ARHGAP24: variants seen among roughly 807,000 people sequenced by gnomAD.
ARHGAP24 encodes the protein rho GTPase-activating protein 24.
In ARHGAP24, 50 loss-of-function variants were observed where a neutral mutation model predicts 76.4. The observed-to-expected ratio is 0.65, with a 90% CI of 0.52 to 0.83. ARHGAP24 has a LOEUF of 0.83. Among genes scored for constraint, ARHGAP24 ranks in the 40% least tolerant of loss-of-function variants. The pLI, the probability that ARHGAP24 is intolerant of heterozygous loss-of-function variation, is 0.00. For missense variants in ARHGAP24, 930 were observed against 914.2 expected, an observed-to-expected ratio of 1.02 and a Z score of -0.22; for synonymous variants, 345 against 323.3, an observed-to-expected ratio of 1.07 and a Z score of -0.72.
chr4:85,695,018 T>A (rs10007242), intron 2 of ARHGAP24, among the ~76,000 whole-genome samples: 100,046 of 152,084 alleles, frequency 0.66, 34,755 homozygotes, highest in Non-Finnish European at 0.79. Flanking sequence ...AGGTAAAATG[T>A]TATGCATAAC....
At chr4:85,580,655 C>T (rs1400826592) in intron 2 of ARHGAP24, among the ~76,000 whole-genome samples, 1 of 152,106 alleles carries the variant, frequency 6.6e-6, no homozygotes, top group Non-Finnish European at 1.5e-5. Context: ...AGCCTCAGCA[C>T]GTGACAAACT....
intron 5 of ARHGAP24, among the ~76,000 whole-genome samples, chr4:85,957,578 T>C (rs1737988768): frequency 1.3e-5 from 2 of 152,202 alleles, no homozygotes; most frequent in Non-Finnish European, 2.9e-5. Flanking sequence ...TTGAAGTCAA[T>C]ATCCTGTTTC....
At chr4:85,906,293 C>T (rs1053515580) in intron 3 of ARHGAP24, among the ~76,000 whole-genome samples, 1 of 152,050 alleles carries the variant, frequency 6.6e-6, no homozygotes, top group Admixed American at 6.6e-5. Flanking sequence ...TGAGGACACC[C>T]ATGTCATATG....
chr4:85,974,547 A>AGGAT (rs1739215594), intron 6 of ARHGAP24, among the ~76,000 whole-genome samples: 1 of 152,206 alleles, frequency 6.6e-6, no homozygotes. Context: ...GAAACTGGGA[A>AGGAT]GGATGCTCAC....
chr4:85,741,963 T>A (rs1725842255), intron 3 of ARHGAP24, among the ~76,000 whole-genome samples: 1 of 152,134 alleles, frequency 6.6e-6, no homozygotes, highest in African/African-American at 2.4e-5. Flanking sequence ...TCTTTTCCAA[T>A]GAGAGGATTA....
chr4:85,684,604 T>C (rs1723352091), intron 2 of ARHGAP24, among the ~76,000 whole-genome samples: 1 of 152,194 alleles, frequency 6.6e-6, no homozygotes, highest in Non-Finnish European at 1.5e-5. Context: ...ATAATTTCTT[T>C]TAAAATTTTG....
At chr4:85,623,311 A>G (rs988091197) in intron 2 of ARHGAP24, among the ~76,000 whole-genome samples, 145 of 152,306 alleles carry the variant, frequency 9.5e-4, no homozygotes, top group African/African-American at 3.3e-3. Context: ...AGCTTTCTAC[A>G]TATGGCTAGC....
rs188526435 is a variant in ARHGAP24, at chr4:85,925,522, A to G, written c.391+1752A>G. Among the ~76,000 whole-genome samples the G allele has an allele frequency of 7.9e-5, 12 of 152,352 alleles. No homozygotes were observed. In the East Asian group the frequency reaches 2.1e-3, roughly 27 times the overall value. ...AAAAAAAAAGTTGTATGCTAAGGTT[A>G]CCAAGAGCTACAGTACAATGAAATA... On this transcript the variant is annotated intron_variant, in intron 4 of 9. Coordinates refer to ENST00000395184, the MANE Select transcript of ARHGAP24 (RefSeq NM_001025616.3).
rs201349923 is a variant in ARHGAP24, at chr4:85,740,096, TTTTG to T, written c.268+18137_268+18140del. ...ACAGAGTACATGCCTTTGGGTTTTG[TTTTG>T]TTTGTTTGTTTGGCTATTTCTTATC... On this transcript the variant is annotated intron_variant, in intron 3 of 9. Transcript: ENST00000395184. 6.1e-3 allele frequency among the ~76,000 whole-genome samples: 926 copies of T among 152,286 alleles called. 6 individuals carry two copies. Among genetic ancestry groups the T allele is most frequent in the African/African-American group, 0.017 (724 of 41,532 alleles).
chr4:85,476,795 A>G (rs181227486), intron 1 of ARHGAP24, among the ~76,000 whole-genome samples: 2 of 152,372 alleles, frequency 1.3e-5, no homozygotes, highest in East Asian at 1.9e-4. Context: ...AGAAAAAGCC[A>G]GAAAACAGCC....
rs962983083 is a variant in ARHGAP24 at position 85,564,430 on chromosome 4, A to C, written c.-20-6092A>C. Among the ~76,000 whole-genome samples, 5 of 133,310 alleles carry C rather than the reference A, an allele frequency of 3.8e-5. No individual in the cohort carries two copies. In the East Asian group the frequency reaches 1.2e-3, roughly 31 times the overall value. 87.5% of individuals were successfully genotyped at this position (133,310 alleles called of 152,430 possible). A position where few individuals can be genotyped will look rare whatever the true frequency, so the allele number is the denominator to read the frequency against. The stretch of plus-strand genomic sequence containing the variant: ...AGCGGGGGGGATAGCATTAGGAGAT[A>C]TACCTAATGTAAATGACGAGTTAAT... On this transcript the variant is annotated intron_variant, in intron 1 of 9. Coordinates refer to ENST00000395184, the MANE Select transcript of ARHGAP24 (RefSeq NM_001025616.3).
At chr4:85,693,888 C>A (rs554866593) in intron 2 of ARHGAP24, among the ~76,000 whole-genome samples, 21 of 152,276 alleles carry the variant, frequency 1.4e-4, no homozygotes, top group African/African-American at 5.1e-4. Flanking sequence ...CCTGTCTCTG[C>A]CTACTCTCCA....
intron 2 of ARHGAP24, among the ~76,000 whole-genome samples, chr4:85,611,435 A>G (rs796633446): frequency 9.7e-4 from 148 of 152,374 alleles, no homozygotes; most frequent in African/African-American, 3.4e-3. Context: ...ACTAGATCCC[A>G]TGACAATTAT....
chr4:85,779,741 G>A (rs1318588686), intron 3 of ARHGAP24, among the ~76,000 whole-genome samples: 1 of 152,096 alleles, frequency 6.6e-6, no homozygotes, highest in African/African-American at 2.4e-5. Flanking sequence ...AAGGGGAATA[G>A]CCCAATGCGG....
chr4:85,880,611 C>T (rs896582570), intron 3 of ARHGAP24, among the ~76,000 whole-genome samples: 1 of 152,188 alleles, frequency 6.6e-6, no homozygotes, highest in African/African-American at 2.4e-5. Context: ...TCACTGCAAG[C>T]TCCGCCTCCC....
intron 2 of ARHGAP24, among the ~76,000 whole-genome samples, chr4:85,640,688 C>T (rs1479287191): frequency 6.6e-6 from 1 of 152,084 alleles, no homozygotes; most frequent in South Asian, 2.1e-4. Context: ...CTGGTTGTGA[C>T]CATATCTTCA....
intron 3 of ARHGAP24, among the ~76,000 whole-genome samples, chr4:85,890,522 C>T (rs555183111): frequency 6.6e-6 from 1 of 152,244 alleles, no homozygotes; most frequent in African/African-American, 2.4e-5. Flanking sequence ...TTCAGCCTGG[C>T]TAGTATCTTG....
intron 3 of ARHGAP24, among the ~76,000 whole-genome samples, chr4:85,770,886 T>C (rs545939377): frequency 6.6e-6 from 1 of 152,336 alleles, no homozygotes; most frequent in African/African-American, 2.4e-5. Flanking sequence ...CAGAGAACGT[T>C]GCAGGAGTGG....
At chr4:85,547,348 A>G (rs1359050271) in intron 1 of ARHGAP24, among the ~76,000 whole-genome samples, 3 of 152,122 alleles carry the variant, frequency 2.0e-5, no homozygotes, top group Non-Finnish European at 4.4e-5. Flanking sequence ...CAGAATATAC[A>G]TTTTTGGCAA....
Sources: gnomAD v4.1 joint callset for allele counts (sites outside exome capture counted in the v4.1 genomes callset) on GRCh38, gnomAD v4.1.1 for gene constraint, MANE v1.5 for transcripts, NCBI Gene and HGNC (gene_info 2026-07-23, HGNC 2026-07-21) for gene names.